RBPJ: variants seen among roughly 807,000 people sequenced by gnomAD.
RBPJ encodes the protein recombining binding protein suppressor of hairless.
A neutral mutation model predicts 67.8 loss-of-function variants in RBPJ; 9 were observed. The ratio of observed to expected loss-of-function variants is 0.13; its 90% confidence interval spans 0.08 to 0.23. The LOEUF (loss-of-function observed/expected upper bound fraction) is 0.23. Ranked by LOEUF, RBPJ falls within the 10% of genes least tolerant of loss-of-function variation. The probability of loss-of-function intolerance (pLI) is 1.00; values close to 1 mark genes in which losing one functional copy is unlikely to be tolerated. For missense variants in RBPJ, 305 were observed against 595.6 expected, an observed-to-expected ratio of 0.51 and a Z score of 5.08; for synonymous variants, 198 against 203.3, an observed-to-expected ratio of 0.97 and a Z score of 0.22.
intron 1 of RBPJ, among the ~76,000 whole-genome samples, chr4:26,234,657 A>AT (rs1238165344): frequency 3.3e-5 from 5 of 151,972 alleles, no homozygotes; most frequent in African/African-American, 1.2e-4. Context: ...TTAATTACAT[A>AT]ATTTTGTTTT....
chr4:26,216,894 C>T (rs1718738986), intron 1 of RBPJ, among the ~76,000 whole-genome samples: 1 of 152,126 alleles, frequency 6.6e-6, no homozygotes. Flanking sequence ...CACTGCACTC[C>T]AGCCTGGGCA....
At chr4:26,208,523 A>G (rs968252717) in intron 1 of RBPJ, among the ~76,000 whole-genome samples, 2 of 152,216 alleles carry the variant, frequency 1.3e-5, no homozygotes, top group Admixed American at 1.3e-4. Flanking sequence ...ATATATTTCA[A>G]GAGTGATAAT....
rs373994423 is a variant in RBPJ, at chr4:26,237,190, G to A, written c.-167+73576G>A. On this transcript the variant is annotated intron_variant, in intron 1 of 4. Coordinates refer to the RBPJ transcript ENST00000512351. ...TCACTACCTGATCACGAAGTCAGGA[G>A]ATCAAGACCATCCTGGTCTCCTGAA... 1.6e-4 allele frequency among the ~76,000 whole-genome samples: 25 copies of A among 152,172 alleles called. 1 individual carries two copies. Among genetic ancestry groups the A allele is most frequent in the Non-Finnish European group, 2.9e-4 (20 of 68,028 alleles).
intron 1 of RBPJ, among the ~76,000 whole-genome samples, chr4:26,379,520 A>T (rs1730103821): frequency 6.6e-6 from 1 of 152,146 alleles, no homozygotes; most frequent in African/African-American, 2.4e-5. Flanking sequence ...ACAAAGCTGC[A>T]GGAAAAAGAG....
chr4:26,111,640 C>A, the RBPJ span, among the ~76,000 whole-genome samples: 10 of 152,214 alleles, frequency 6.6e-5, no homozygotes, highest in Non-Finnish European at 1.3e-4. Flanking sequence ...GGGAAACAAT[C>A]CCTGGCCTCT....
At chr4:26,397,172 A>G (rs1196906548) in intron 2 of RBPJ, among the ~76,000 whole-genome samples, 1 of 152,198 alleles carries the variant, frequency 6.6e-6, no homozygotes, top group African/African-American at 2.4e-5. Flanking sequence ...TCACTGAAGC[A>G]TCTTGGATTG....
the RBPJ span, among the ~76,000 whole-genome samples, chr4:26,132,847 G>A: frequency 6.6e-6 from 1 of 152,110 alleles, no homozygotes; most frequent in African/African-American, 2.4e-5. Context: ...GCAAGAGGGG[G>A]CAGGGTCCTT....
chr4:26,416,228 T>G (rs1302674914), intron 4 of RBPJ, among the ~76,000 whole-genome samples: 1 of 152,174 alleles, frequency 6.6e-6, no homozygotes, highest in Non-Finnish European at 1.5e-5. Flanking sequence ...CTGATTATAT[T>G]GTATGAATTT....
At chr4:26,388,789 A>G (rs190752265) in intron 2 of RBPJ, among the ~76,000 whole-genome samples, 1 of 152,332 alleles carries the variant, frequency 6.6e-6, no homozygotes, top group East Asian at 1.9e-4. Context: ...AAAAGTGGTG[A>G]GCATTAGTGA....
upstream of RBPJ, among the ~76,000 whole-genome samples, chr4:26,316,827 CTTTTTTTTTTTT>C (rs56130072): frequency 2.8e-5 from 2 of 71,396 alleles, no homozygotes; most frequent in African/African-American, 1.1e-4. Flanking sequence ...ACCCAGACGA[CTTTTTTTTTTTT>C]TTTTTTTTTT....
At chr4:26,374,176 G>A (rs1283375234) in intron 1 of RBPJ, among the ~76,000 whole-genome samples, 1 of 152,068 alleles carries the variant, frequency 6.6e-6, no homozygotes, top group Non-Finnish European at 1.5e-5. Flanking sequence ...CTGACCTCAG[G>A]TGATCCACTC....
rs1456092235 is a variant in RBPJ, at chr4:26,221,246, A to G, written c.-167+57632A>G. ...GCTGGGACTACAGGCGCCCGCCACC[A>G]CGCCCGGCTAATTTTTTGTATTTTT... is the stretch of plus-strand genomic sequence containing the variant. On this transcript the variant is annotated intron_variant, in intron 1 of 4. Transcript: ENST00000512351. 1.6e-4 allele frequency among the ~76,000 whole-genome samples: 25 copies of G among 151,880 alleles called. 1 individual carries two copies. Among genetic ancestry groups the G allele is most frequent in the East Asian group, 1.4e-3 (7 of 5,168 alleles).
At chr4:26,300,664 C>T (rs761296786) in intron 1 of RBPJ, among the ~76,000 whole-genome samples, 5 of 152,184 alleles carry the variant, frequency 3.3e-5, no homozygotes, top group East Asian at 1.9e-4. Context: ...AAATGTCTGA[C>T]TTGTTTACTC....
intron 1 of RBPJ, among the ~76,000 whole-genome samples, chr4:26,346,993 A>G (rs1034695198): frequency 2.0e-5 from 3 of 151,500 alleles, no homozygotes; most frequent in African/African-American, 7.3e-5. Flanking sequence ...CTCCATCTCA[A>G]AAAAAAAATA....
intron 3 of RBPJ, among the ~76,000 whole-genome samples, chr4:26,411,930 A>AC (rs1344355672): frequency 1.3e-5 from 2 of 149,572 alleles, no homozygotes; most frequent in African/African-American, 4.9e-5. Flanking sequence ...ACATGGTGAA[A>AC]CCCCATCTCT....
At chr4:26,386,462 T>G in intron 2 of RBPJ, 71 bp downstream of exon 2, 2 of 991,532 alleles carry the variant, frequency 2.0e-6, no homozygotes, top group Non-Finnish European at 3.0e-6. Flanking sequence ...TTTTAGATAT[T>G]ATATTAATAG....
intron 1 of RBPJ, chr4:26,359,598 C>CGGTTT (rs1560292226): frequency 6.6e-6 from 1 of 152,058 alleles, no homozygotes; most frequent in African/African-American, 2.4e-5. Flanking sequence ...CCTGCTTGCG[C>CGGTTT]GGTGCGCTCC....
intron 1 of RBPJ, among the ~76,000 whole-genome samples, chr4:26,350,787 A>G (rs934519882): frequency 1.3e-5 from 2 of 152,188 alleles, no homozygotes; most frequent in African/African-American, 2.4e-5. Context: ...GAGCAATGGT[A>G]ATTACAGGGT....
At chr4:26,363,092 T>C (rs1264459273) in intron 1 of RBPJ, among the ~76,000 whole-genome samples, 1 of 152,218 alleles carries the variant, frequency 6.6e-6, no homozygotes, top group Non-Finnish European at 1.5e-5. Context: ...GTTTTTTTCT[T>C]TTCCAAAGAA....
Sources: allele counts gnomAD v4.1 joint callset (sites outside exome capture counted in the v4.1 genomes callset), GRCh38; gene constraint gnomAD v4.1.1; transcripts MANE v1.5; gene names NCBI Gene and HGNC (gene_info 2026-07-23, HGNC 2026-07-21).